Variants in AFAP1 observed in about 807,000 individuals in gnomAD.
AFAP1 encodes the protein actin filament associated protein 1, also known as actin filament-associated protein 1.
In AFAP1, 75 loss-of-function variants were observed where a neutral mutation model predicts 93.9. The observed-to-expected ratio is 0.80, with a 90% CI of 0.66 to 0.97. The LOEUF is 0.97. Ranked by LOEUF, AFAP1 falls within the 50% of genes least tolerant of loss-of-function variation. The probability of loss-of-function intolerance (pLI) is 0.00; values close to 1 mark genes in which losing one functional copy is unlikely to be tolerated. For missense variants in AFAP1, 1,201 were observed against 1,050.8 expected, an observed-to-expected ratio of 1.14 and a Z score of -1.98; for synonymous variants, 517 against 430.7, an observed-to-expected ratio of 1.20 and a Z score of -2.48.
intron 6 of AFAP1, among the ~76,000 whole-genome samples, chr4:7,824,077 C>A (rs1204288160): frequency 6.6e-6 from 1 of 152,184 alleles, no homozygotes; most frequent in Non-Finnish European, 1.5e-5. Context: ...CCAAGCTGCA[C>A]CTGCAGAGTT....
rs184598643 is a variant in AFAP1, at chr4:7,926,800, A to G, written c.-3+12856T>C. ...CGCCCAAGCTGGAGTGCAGCAGCGC[A>G]CTATTAGCTCACTGCAACCTCCGCC... On this transcript the variant is annotated intron_variant, in intron 1 of 17. Transcript: ENST00000420658. 2.7e-4 allele frequency among the ~76,000 whole-genome samples: 41 copies of G among 152,164 alleles called. 1 individual carries two copies. Among genetic ancestry groups the G allele is most frequent in the South Asian group, 6.2e-4 (3 of 4,816 alleles).
intron 1 of AFAP1, among the ~76,000 whole-genome samples, chr4:7,889,690 GTTTTT>G (rs377063737): frequency 0.13 from 14,284 of 107,092 alleles, 848 homozygotes; most frequent in Non-Finnish European, 0.2. Context: ...TCAATGAAGC[GTTTTT>G]TTTTTTTTTA....
chr4:7,816,107 G>T lies in AFAP1; in HGVS notation c.823-8C>A. 1.2e-6 allele frequency: 2 copies of T among 1,606,244 alleles called. No individual in the cohort carries two copies. The highest frequency in any genetic ancestry group is 1.1e-5 in the South Asian group (1 of 89,884). On this transcript the variant is annotated splice_polypyrimidine_tract_variant and splice_region_variant and intron_variant, in intron 7 of 17. Transcript: ENST00000420658. ...TCTCTCTGAAGACAGTTTCTGTAAG[G>T]AGAAAAAGATTAAGTTATTCTTACA...
chr4:7,773,128 A>G, intron 15 of AFAP1, 118 bp from the exon 16 acceptor site: 9 of 1,423,588 alleles, frequency 6.3e-6, no homozygotes, highest in Non-Finnish European at 7.4e-6. Context: ...AGCTCCCCTG[A>G]CTTAGGTCCT....
At chr4:7,929,695 T>C (rs1720956153) in intron 1 of AFAP1, among the ~76,000 whole-genome samples, 1 of 152,214 alleles carries the variant, frequency 6.6e-6, no homozygotes, top group African/African-American at 2.4e-5. Context: ...TGTGTGTACC[T>C]GCAGGCCCCA....
At chr4:7,929,124 T>TA (rs1472317614) in intron 1 of AFAP1, among the ~76,000 whole-genome samples, 2 of 152,242 alleles carry the variant, frequency 1.3e-5, no homozygotes, top group Non-Finnish European at 2.9e-5. Context: ...GGGCACAGAC[T>TA]AAGTATTTTG....
At chr4:7,917,019 G>C (rs1198234676) in intron 1 of AFAP1, among the ~76,000 whole-genome samples, 2 of 152,002 alleles carry the variant, frequency 1.3e-5, no homozygotes, top group African/African-American at 2.4e-5. Flanking sequence ...CTCTCTCTCA[G>C]GAATAGTGCC....
chr4:7,904,910 T>C (rs903069667), intron 1 of AFAP1, among the ~76,000 whole-genome samples: 1 of 152,134 alleles, frequency 6.6e-6, no homozygotes, highest in Non-Finnish European at 1.5e-5. Context: ...GGTTTTGCTA[T>C]GTTGCCCAGA....
At chr4:7,852,362 G>C (rs1405289062) in intron 4 of AFAP1, among the ~76,000 whole-genome samples, 1 of 152,190 alleles carries the variant, frequency 6.6e-6, no homozygotes, top group Non-Finnish European at 1.5e-5. Flanking sequence ...AGCAGAAGCT[G>C]CCACCTGGCC....
At chr4:7,910,837 A>G (rs1015876868) in intron 1 of AFAP1, among the ~76,000 whole-genome samples, 8 of 152,318 alleles carry the variant, frequency 5.3e-5, no homozygotes, top group Admixed American at 4.6e-4. Context: ...ACGGAGGCCT[A>G]GGGAGGTTGA....
At chr4:7,929,908 G>A (rs1344223) in intron 1 of AFAP1, among the ~76,000 whole-genome samples, 53,691 of 152,090 alleles carry the variant, frequency 0.35, 10,163 homozygotes, top group African/African-American at 0.48. Context: ...AGGCCACAAC[G>A]GTCAACTTGG....
At chr4:7,823,233 A>T (rs1721130587) in intron 6 of AFAP1, among the ~76,000 whole-genome samples, 2 of 152,088 alleles carry the variant, frequency 1.3e-5, no homozygotes, top group Non-Finnish European at 2.9e-5. Flanking sequence ...CTACTTCGAA[A>T]CAGCAACCAA....
chr4:7,799,901 G>A (rs927447773), intron 10 of AFAP1, among the ~76,000 whole-genome samples: 6 of 152,118 alleles, frequency 3.9e-5, no homozygotes, highest in Non-Finnish European at 7.4e-5. Flanking sequence ...CCAGGGCTCC[G>A]AAACAGCAAA....
intron 11 of AFAP1, among the ~76,000 whole-genome samples, chr4:7,793,164 T>A (rs1718042463): frequency 9.0e-6 from 1 of 111,602 alleles, no homozygotes; most frequent in Admixed American, 9.2e-5. Context: ...ACTGCAGCAT[T>A]TTTTTTTTTA....
intron 6 of AFAP1, among the ~76,000 whole-genome samples, chr4:7,834,015 G>A (rs1711956415): frequency 6.6e-6 from 1 of 151,130 alleles, no homozygotes; most frequent in Non-Finnish European, 1.5e-5. Flanking sequence ...GTTTATAACA[G>A]CACAATCCAC....
At chr4:7,902,332 A>G (rs1719163748) in intron 1 of AFAP1, among the ~76,000 whole-genome samples, 1 of 152,200 alleles carries the variant, frequency 6.6e-6, no homozygotes, top group South Asian at 2.1e-4. Context: ...TTTAAAATTA[A>G]TAAGCCTGCT....
In AFAP1 at chr4:7,774,918, A is replaced by C. The variant is rs765980223; in HGVS notation, c.1898-15T>G. 5.0e-6 allele frequency: 8 copies of C among 1,597,064 alleles called. No homozygotes were observed. The South Asian group carries it at 9.2e-5, about 18-fold the overall frequency. On this transcript the variant is annotated splice_polypyrimidine_tract_variant and intron_variant, in intron 14 of 17. Transcript: ENST00000420658. Reference sequence around the variant, plus strand: ...CTGGGCAGCATCTTGAGAAGAAAAAAAAGCAGCAATTAAAAATTAGGTTTA... The same window carrying C: ...CTGGGCAGCATCTTGAGAAGAAAAACAAGCAGCAATTAAAAATTAGGTTTA...
chr4:7,813,094 G>A (rs1720190731), intron 8 of AFAP1, among the ~76,000 whole-genome samples: 1 of 152,204 alleles, frequency 6.6e-6, no homozygotes, highest in African/African-American at 2.4e-5. Context: ...ACCGCATGGA[G>A]CCTGGACTGT....
chr4:7,770,319 G>A (rs1331361697), intron 16 of AFAP1, among the ~76,000 whole-genome samples: 1 of 152,212 alleles, frequency 6.6e-6, no homozygotes, highest in Non-Finnish European at 1.5e-5. Flanking sequence ...CACCATAGAA[G>A]AGAGTGGGCA....
Sources: allele counts gnomAD v4.1 joint callset (sites outside exome capture counted in the v4.1 genomes callset), GRCh38; gene constraint gnomAD v4.1.1; transcripts MANE v1.5; gene names NCBI Gene and HGNC (gene_info 2026-07-23, HGNC 2026-07-21).